Variants in RGS7 observed in about 807,000 individuals in gnomAD.
RGS7 encodes regulator of G-protein signaling 7.
In RGS7, 27 loss-of-function variants were observed where a neutral mutation model predicts 81.1. The ratio of observed to expected loss-of-function variants is 0.33; its 90% CI spans 0.25 to 0.46. The LOEUF (loss-of-function observed/expected upper bound fraction) is 0.46. Ranked by LOEUF, RGS7 falls within the 20% of genes least tolerant of loss-of-function variation. The pLI, the probability that RGS7 is intolerant of heterozygous loss-of-function variation, is 1.00. For missense variants in RGS7, 396 were observed against 607.4 expected, an observed-to-expected ratio of 0.65 and a Z score of 3.66; for synonymous variants, 208 against 207.7, an observed-to-expected ratio of 1.00 and a Z score of -0.01.
intron 9 of RGS7, among the ~76,000 whole-genome samples, chr1:240,839,431 G>A (rs946319557): frequency 7.2e-5 from 11 of 152,184 alleles, no homozygotes; most frequent in Admixed American, 3.3e-4. Context: ...TTGAAGATAT[G>A]AGAGGTAAGA....
rs796325265 is a variant in RGS7, at chr1:240,868,189, G to GGAAGGAAC, written c.609+390_609+397dup. Among the ~76,000 whole-genome samples, 3 of 149,418 alleles carry GGAAGGAAC rather than the reference G, an allele frequency of 2.0e-5. No individual in the cohort carries two copies. Among genetic ancestry groups the GGAAGGAAC allele is most frequent in the African/African-American group, 7.5e-5 (3 of 40,062 alleles). On this transcript the variant is annotated intron_variant, in intron 9 of 18. Coordinates refer to ENST00000440928, the MANE Select transcript of RGS7 (RefSeq NM_001364886.1). This position sits in a 1 kb window ranked among gnomAD's most constrained non-coding sequence, Gnocchi z 5.1. ...AGGGAGGGAAGGACGAAGGAAGGAAGGAAGGAACGAAGGAACGAAGGGAGG... is the reference window on the plus strand; with the variant it reads ...AGGGAGGGAAGGACGAAGGAAGGAAGGAAGGAACGAAGGAACGAAGGAACGAAGGGAGG...
intron 6 of RGS7, among the ~76,000 whole-genome samples, chr1:240,872,270 T>A (rs933573234): frequency 2.0e-5 from 3 of 152,174 alleles, no homozygotes; most frequent in African/African-American, 7.2e-5. Context: ...AAAATCTCCC[T>A]AAATGTCTAC....
At chr1:240,947,749 G>A (rs923320653) in intron 4 of RGS7, among the ~76,000 whole-genome samples, 6 of 152,066 alleles carry the variant, frequency 3.9e-5, no homozygotes, top group African/African-American at 1.2e-4. Context: ...AGATCAAGTC[G>A]CTCCTGTGCA....
intron 2 of RGS7, among the ~76,000 whole-genome samples, chr1:241,207,478 C>A (rs568409440): frequency 1.3e-5 from 2 of 151,992 alleles, no homozygotes; most frequent in Admixed American, 6.5e-5. Context: ...ATTCCAGGCA[C>A]TGGAATATGA....
intron 18 of RGS7, among the ~76,000 whole-genome samples, chr1:240,789,046 C>T (rs149740839): frequency 0.013 from 1,934 of 152,180 alleles, 24 homozygotes; most frequent in Non-Finnish European, 0.015. Context: ...ATGGAGGGAC[C>T]GGCTGAAGCC....
chr1:241,258,277 A>G (rs1348204890), intron 2 of RGS7, among the ~76,000 whole-genome samples: 3 of 152,142 alleles, frequency 2.0e-5, no homozygotes, highest in African/African-American at 4.8e-5. Flanking sequence ...ACCTAGACTT[A>G]ATGTAGATAA....
intron 6 of RGS7, among the ~76,000 whole-genome samples, chr1:240,908,433 A>T (rs1016131181): frequency 1.9e-4 from 29 of 152,210 alleles, no homozygotes. Context: ...AAATGAATGA[A>T]TGAACGAATG....
chr1:241,280,339 C>T (rs938887549), intron 2 of RGS7, among the ~76,000 whole-genome samples: 82 of 152,228 alleles, frequency 5.4e-4, no homozygotes, highest in South Asian at 8.3e-4. Flanking sequence ...TTCCTCATGG[C>T]CTGCTGATAC....
chr1:241,054,245 G>A (rs2061380503), intron 3 of RGS7, among the ~76,000 whole-genome samples: 1 of 152,198 alleles, frequency 6.6e-6, no homozygotes, highest in African/African-American at 2.4e-5. Context: ...TAGTTCAGCA[G>A]AGGAGAAGAC....
At chr1:241,044,809 T>G (rs1044847793) in intron 3 of RGS7, among the ~76,000 whole-genome samples, 1 of 152,220 alleles carries the variant, frequency 6.6e-6, no homozygotes, top group African/African-American at 2.4e-5. Flanking sequence ...CGTGCCTCCA[T>G]ATCTATAATC....
intron 3 of RGS7, among the ~76,000 whole-genome samples, chr1:241,015,754 A>G (rs2148674170): frequency 6.6e-6 from 1 of 152,366 alleles, no homozygotes; most frequent in Non-Finnish European, 1.5e-5. Flanking sequence ...AATTTCATTT[A>G]GATATTTTAT....
intron 2 of RGS7, among the ~76,000 whole-genome samples, chr1:241,232,206 CTCTCTT>C (rs1174901351): frequency 6.6e-5 from 10 of 151,784 alleles, no homozygotes; most frequent in Admixed American, 1.3e-4. Context: ...CTCTCTCTCT[CTCTCTT>C]TCTCTCTCTC....
intron 2 of RGS7, among the ~76,000 whole-genome samples, chr1:241,317,654 A>G (rs1394140494): frequency 6.6e-6 from 1 of 152,156 alleles, no homozygotes; most frequent in East Asian, 1.9e-4. Context: ...GGGAGGAAAG[A>G]TCATCAGTGG....
chr1:241,096,720 C>T (rs2064282373), intron 3 of RGS7, among the ~76,000 whole-genome samples: 1 of 152,168 alleles, frequency 6.6e-6, no homozygotes, highest in Non-Finnish European at 1.5e-5. Flanking sequence ...GAGATATTTG[C>T]TATCTGAAGA....
At chr1:241,016,265 A>C (rs1379930933) in intron 3 of RGS7, among the ~76,000 whole-genome samples, 1 of 152,190 alleles carries the variant, frequency 6.6e-6, no homozygotes, top group Non-Finnish European at 1.5e-5. Flanking sequence ...CACGCCTGTA[A>C]TCCTAGCACT....
chr1:240,946,341 A>G (rs986384710), intron 4 of RGS7, among the ~76,000 whole-genome samples: 2 of 152,082 alleles, frequency 1.3e-5, no homozygotes, highest in Admixed American at 6.6e-5. Context: ...GGTGGCTCAC[A>G]CCTGTAATCC....
chr1:240,992,964 G>A (rs757306503), intron 3 of RGS7, among the ~76,000 whole-genome samples: 1 of 151,654 alleles, frequency 6.6e-6, no homozygotes, highest in African/African-American at 2.4e-5. Context: ...GTAGCGAGTC[G>A]AGATTGCATG....
chr1:241,062,291 C>T (rs1283905311), intron 3 of RGS7, among the ~76,000 whole-genome samples: 1 of 152,212 alleles, frequency 6.6e-6, no homozygotes, highest in Non-Finnish European at 1.5e-5. Flanking sequence ...CAGCTGACCA[C>T]ATCCCATCTC....
At position 241,174,909 on chromosome 1, in the gene RGS7, T is replaced by G. The variant is rs188265254; in HGVS notation, c.79-76147A>C. Among the ~76,000 whole-genome samples, 939 of 140,544 alleles carry G rather than the reference T, an allele frequency of 6.7e-3. 16 individuals are homozygous for G. Among genetic ancestry groups the G allele is most frequent in the African/African-American group, 0.024 (906 of 37,162 alleles). 92.2% of individuals were successfully genotyped at this position (140,544 alleles called of 152,430 possible). A position where few individuals can be genotyped will look rare whatever the true frequency, so the allele number is the denominator to read the frequency against. On this transcript the variant is annotated intron_variant, in intron 2 of 18. Coordinates refer to ENST00000440928, the MANE Select transcript of RGS7 (RefSeq NM_001364886.1). ...CACAGAATTTTGTTTTTTTTTTTTT[T>G]TTTTTTTTTTTGAGACGGAGTCCCG...
Sources: gnomAD v4.1 joint callset for allele counts (sites outside exome capture counted in the v4.1 genomes callset) on GRCh38, gnomAD v4.1.1 for gene constraint, Gnocchi (gnomAD v3.1) non-coding constraint, MANE v1.5 for transcripts, NCBI Gene and HGNC (gene_info 2026-07-23, HGNC 2026-07-21) for gene names.